Variants in DPY19L1 observed in about 807,000 individuals in gnomAD.
The protein encoded by DPY19L1 is dpy-19 like C-mannosyltransferase 1, also known as protein C-mannosyl-transferase DPY19L1.
In DPY19L1, 35 loss-of-function variants were observed where a neutral mutation model predicts 96.9. The ratio of observed to expected loss-of-function variants is 0.36; its 90% confidence interval spans 0.28 to 0.48. DPY19L1 has a LOEUF of 0.48. DPY19L1 is among the 20% of genes least tolerant of loss of function. The pLI, the probability that DPY19L1 is intolerant of heterozygous loss-of-function variation, is 0.99. For missense variants in DPY19L1, 521 were observed against 777.9 expected (o/e 0.67, Z 3.93); for synonymous variants, 205 against 252.6 (o/e 0.81, Z 1.79).
chr7:34,980,617 T>C (rs1162853566), intron 7 of DPY19L1, among the ~76,000 whole-genome samples: 1 of 152,106 alleles, frequency 6.6e-6, no homozygotes, highest in Non-Finnish European at 1.5e-5. Context: ...AACCCAAATA[T>C]TTTTTAATGG....
At chr7:34,978,258 T>A (rs548410025) in intron 7 of DPY19L1, among the ~76,000 whole-genome samples, 1 of 152,290 alleles carries the variant, frequency 6.6e-6, no homozygotes, top group East Asian at 1.9e-4. Flanking sequence ...GAGTTGCCAT[T>A]TGCTGGATCA....
At chr7:34,999,589 C>T (rs328928) in intron 6 of DPY19L1, among the ~76,000 whole-genome samples, 71,414 of 151,844 alleles carry the variant, frequency 0.47, 17,257 homozygotes, top group Admixed American at 0.61. Flanking sequence ...AATCGCTAAA[C>T]GGAAGCCCAG....
At chr7:34,949,288 C>T (rs566995343) in intron 14 of DPY19L1, among the ~76,000 whole-genome samples, 5 of 152,228 alleles carry the variant, frequency 3.3e-5, no homozygotes, top group African/African-American at 9.6e-5. Context: ...TATAACACGA[C>T]GAATGAGAGT....
In DPY19L1 at chr7:34,968,014, C is replaced by G. The variant is rs140301993; in HGVS notation, c.1015-1043G>C. The stretch of plus-strand genomic sequence containing the variant: ...ACCTCCACAAAAAAGCAGGCAGTCT[C>G]CACTATCAGGAAGCAATGAGAATGC... On this transcript the variant is annotated intron_variant, in intron 9 of 21. Transcript: ENST00000638088. 6.2e-3 allele frequency among the ~76,000 whole-genome samples: 938 copies of G among 152,188 alleles called. 7 individuals are homozygous for G. Among genetic ancestry groups the G allele is most frequent in the African/African-American group, 0.021 (877 of 41,534 alleles).
chr7:34,933,871 T>G (rs1181635073), intron 21 of DPY19L1, among the ~76,000 whole-genome samples: 1 of 148,560 alleles, frequency 6.7e-6, no homozygotes, highest in Non-Finnish European at 1.5e-5. Context: ...CTGGCTTCTT[T>G]GTTCCTCAGC....
At chr7:34,963,159 C>T (rs907752587) in intron 10 of DPY19L1, among the ~76,000 whole-genome samples, 12 of 136,450 alleles carry the variant, frequency 8.8e-5, no homozygotes, top group African/African-American at 3.3e-4. Context: ...CGTGCCACTG[C>T]ACTCCAGCCT....
chr7:35,006,006 TTC>T (rs1279813332), intron 6 of DPY19L1, among the ~76,000 whole-genome samples: 1 of 152,150 alleles, frequency 6.6e-6, no homozygotes, highest in Non-Finnish European at 1.5e-5. Context: ...TTTTCGATGA[TTC>T]TCTGATTCCA....
chr7:34,939,438 A>C (rs1226074608), intron 19 of DPY19L1, 63 bp from the exon 20 acceptor site: 1 of 1,394,196 alleles, frequency 7.2e-7, no homozygotes. Context: ...GTCTCCTTCA[A>C]GTGTAAATCA....
chr7:34,992,572 G>A (rs1219770127), intron 6 of DPY19L1, among the ~76,000 whole-genome samples: 2 of 146,644 alleles, frequency 1.4e-5, no homozygotes, highest in African/African-American at 2.5e-5. Context: ...CCAGAGACTG[G>A]GTCTCACTCT....
intron 1 of DPY19L1, among the ~76,000 whole-genome samples, chr7:35,028,525 A>C (rs1291773458): frequency 6.6e-6 from 1 of 152,242 alleles, no homozygotes; most frequent in Non-Finnish European, 1.5e-5. Context: ...ATAAATTCTA[A>C]TTTCCCTTAA....
chr7:35,005,853 G>A (rs576537385), intron 6 of DPY19L1, among the ~76,000 whole-genome samples: 18 of 151,930 alleles, frequency 1.2e-4, no homozygotes, highest in Middle Eastern at 6.8e-3. Context: ...ATGTGAGAGA[G>A]AAGGTAAGGG....
At chr7:34,950,046 T>C in intron 13 of DPY19L1, 148 bp from the exon 14 acceptor site, 1 of 485,336 alleles carries the variant, frequency 2.1e-6, no homozygotes, top group Admixed American at 4.2e-5. Context: ...GGAAATGCTA[T>C]ATCCTCCACC....
intron 1 of DPY19L1, among the ~76,000 whole-genome samples, chr7:35,021,788 AC>A (rs1786000437): frequency 6.6e-6 from 1 of 152,128 alleles, no homozygotes; most frequent in South Asian, 2.1e-4. Context: ...AGGCCTACTT[AC>A]CCTAAAGTAT....
At chr7:34,967,174 A>T (rs1784629155) in intron 9 of DPY19L1, among the ~76,000 whole-genome samples, 1 of 152,186 alleles carries the variant, frequency 6.6e-6, no homozygotes, top group Non-Finnish European at 1.5e-5. Flanking sequence ...TCTGACACAC[A>T]GCTTTCTCAA....
In DPY19L1 at chr7:34,940,217, T is replaced by C; in HGVS notation, c.1800A>G (p.Val600=). ...SANLQTQWNI[V]GEFSNLPQEE... is the part of the protein sequence containing the mutation. ...CTTGGGGCAAATTGCTGAACTCCCC[T>C]ACAATATTCCACTGGGTTTGCAGAT... The change falls in exon 19 of 22, where the codon GTA becomes GTG. Residue 600 remains valine (V), a synonymous_variant. Transcript: ENST00000638088. The C allele has an allele frequency of 1.2e-6, 2 of 1,611,156 alleles. No individual in the cohort carries two copies. Among genetic ancestry groups the C allele is most frequent in the South Asian group, 1.1e-5 (1 of 90,800 alleles).
intron 6 of DPY19L1, among the ~76,000 whole-genome samples, chr7:34,996,049 T>A (rs1472535034): frequency 6.6e-6 from 1 of 152,218 alleles, no homozygotes; most frequent in African/African-American, 2.4e-5. Context: ...TTCAAGCAAG[T>A]GATTAACGCC....
intron 19 of DPY19L1, among the ~76,000 whole-genome samples, chr7:34,939,686 G>A (rs1345670881): frequency 2.0e-5 from 3 of 152,128 alleles, no homozygotes; most frequent in African/African-American, 7.2e-5. Flanking sequence ...AAATGGACTA[G>A]GAAAGCTTTA....
At chr7:35,001,162 G>A (rs17204148) in intron 6 of DPY19L1, among the ~76,000 whole-genome samples, 8,960 of 152,186 alleles carry the variant, frequency 0.059, 363 homozygotes, top group Middle Eastern at 0.18. Context: ...GCACATAAGC[G>A]TCATACATGA....
chr7:34,930,181 A>AAAGG lies in DPY19L1; in HGVS notation c.*1391_*1392insCCTT, dbSNP rs1783722840. 6.6e-6 allele frequency: 1 copy of AAAGG among 152,218 alleles called. No individual in the cohort carries two copies. Among genetic ancestry groups the AAAGG allele is most frequent in the Non-Finnish European group, 1.5e-5 (1 of 68,034 alleles). 9.4% of individuals were successfully genotyped at this position (152,218 alleles called of 1,614,324 possible). On this transcript the variant is annotated 3_prime_UTR_variant, in exon 22 of 22. Transcript: ENST00000638088. ...TGTGGTTAAGAAAGAGAAGCTGTAT[A>AAAGG]ATTAAATGTGTAGTCTGTCAGCCAT...
Sources: allele counts gnomAD v4.1 joint callset (sites outside exome capture counted in the v4.1 genomes callset), GRCh38; gene constraint gnomAD v4.1.1; transcripts MANE v1.5; gene names NCBI Gene and HGNC (gene_info 2026-07-23, HGNC 2026-07-21).